The following ADGRD1 variants were observed in gnomAD, a reference collection of about 807,000 sequenced individuals.
ADGRD1 encodes the protein adhesion G protein-coupled receptor D1, also known as G-protein coupled receptor 133.
ADGRD1 carries 77 observed loss-of-function variants against 113.4 expected under a neutral mutation model. The observed-to-expected ratio is 0.68, with a 90% CI of 0.57 to 0.82. The LOEUF is 0.82. ADGRD1 is among the 40% of genes least tolerant of loss of function. ADGRD1 has a pLI of 0.00. For missense variants in ADGRD1, 1,036 were observed against 1,139.1 expected, an observed-to-expected ratio of 0.91 and a Z score of 1.30; for synonymous variants, 474 against 475.0, an observed-to-expected ratio of 1.00 and a Z score of 0.03.
rs145556639 is a variant in ADGRD1, at chr12:131,053,615, A to G, written c.1474-23186A>G. The stretch of plus-strand genomic sequence containing the variant: ...CCATAACATCAGTCAAAGTCAATGA[A>G]CCAGAATGGTGCTAATCAACATGGA... On this transcript the variant is annotated intron_variant, in intron 13 of 24. Coordinates refer to ENST00000261654, the MANE Select transcript of ADGRD1 (RefSeq NM_198827.5). 2.9e-3 allele frequency among the ~76,000 whole-genome samples: 448 copies of G among 152,302 alleles called. 5 individuals carry two copies. Among genetic ancestry groups the G allele is most frequent in the African/African-American group, 9.2e-3 (383 of 41,548 alleles).
chr12:131,042,429 G>A (rs1406200612), intron 13 of ADGRD1, among the ~76,000 whole-genome samples: 2 of 152,178 alleles, frequency 1.3e-5, no homozygotes, highest in Non-Finnish European at 2.9e-5. Context: ...ACAGCCTCAT[G>A]GTACACAGTA....
intron 20 of ADGRD1, among the ~76,000 whole-genome samples, chr12:131,123,367 C>T (rs1214682216): frequency 1.3e-5 from 2 of 151,658 alleles, no homozygotes; most frequent in African/African-American, 4.8e-5. Context: ...AAGAGTATTC[C>T]TGTCTAAGCT....
intron 14 of ADGRD1, among the ~76,000 whole-genome samples, chr12:131,083,005 G>A (rs1284761501): frequency 6.6e-6 from 1 of 152,240 alleles, no homozygotes; most frequent in Non-Finnish European, 1.5e-5. Context: ...CAGGGTTACC[G>A]TTGCCCGAGG....
At chr12:131,052,610 G>A (rs1883507026) in intron 13 of ADGRD1, among the ~76,000 whole-genome samples, 1 of 146,510 alleles carries the variant, frequency 6.8e-6, no homozygotes, top group Admixed American at 7.0e-5. Flanking sequence ...TGCACGGATT[G>A]GCTTAGACCT....
At chr12:131,045,544 G>A (rs1882610141) in intron 13 of ADGRD1, among the ~76,000 whole-genome samples, 1 of 149,588 alleles carries the variant, frequency 6.7e-6, no homozygotes, top group Admixed American at 6.6e-5. Flanking sequence ...GGCACATCCG[G>A]CCCACAGGCC....
chr12:130,997,071 C>T (rs1467728777), intron 8 of ADGRD1, among the ~76,000 whole-genome samples: 1 of 131,964 alleles, frequency 7.6e-6, no homozygotes, highest in East Asian at 2.4e-4. Context: ...TCCTCACTTC[C>T]CAGTAGGGGC....
chr12:131,139,235 C>T lies in ADGRD1; in HGVS notation c.2597C>T (p.Ala866Val). Reference protein sequence around the residue: ...LSPWDKSSHSAHRVDLSAV With the variant: ...LSPWDKSSHSVHRVDLSAV The stretch of plus-strand genomic sequence containing the variant: ...CCTTGGGACAAGAGCAGCCACTCTG[C>T]CCACCGCGTCGACCTGTCAGCCGTG... Residue 866 changes from alanine (A) to valine (V), a missense_variant, in exon 25 of 25, where the codon GCC becomes GTC. Transcript: ENST00000261654. The T allele has an allele frequency of 1.2e-6, 2 of 1,612,962 alleles. No homozygotes were observed. The highest frequency in any genetic ancestry group is 1.7e-6 in the Non-Finnish European group (2 of 1,179,740).
intron 3 of ADGRD1, chr12:130,968,973 C>A: frequency 1.3e-6 from 2 of 1,520,868 alleles, no homozygotes; most frequent in Non-Finnish European, 1.8e-6. Context: ...GTTGTTTCAC[C>A]CAGCGTCCCG....
chr12:131,020,493 T>C (rs1343589669), intron 13 of ADGRD1, among the ~76,000 whole-genome samples: 3 of 152,208 alleles, frequency 2.0e-5, no homozygotes, highest in Admixed American at 6.5e-5. Context: ...TCACACGCAG[T>C]GGGGCACTGG....
chr12:131,000,598 A>G (rs1267531887), intron 9 of ADGRD1, among the ~76,000 whole-genome samples, 156 bp downstream of exon 9: 1 of 152,000 alleles, frequency 6.6e-6, no homozygotes, highest in African/African-American at 2.4e-5. Context: ...AAAATTAGCC[A>G]GGCGTGGTGG....
chr12:131,132,530 C>CGGG (rs72349003), intron 21 of ADGRD1, among the ~76,000 whole-genome samples: 1 of 151,786 alleles, frequency 6.6e-6, no homozygotes, highest in Non-Finnish European at 1.5e-5. Context: ...GTTGCAGCAC[C>CGGG]GGGCCCAGCT....
intron 13 of ADGRD1, among the ~76,000 whole-genome samples, chr12:131,037,660 C>T (rs1298154784): frequency 8.1e-5 from 3 of 36,826 alleles, no homozygotes; most frequent in African/African-American, 4.9e-4. Flanking sequence ...CTCACTGCAC[C>T]GGGTCTCACT....
rs1427470586 is a variant in ADGRD1 at position 131,057,932 on chromosome 12, CT to C, written c.1474-18866del. ...AGCCGTCTTCGTGCTCATCTCGCTT[CT>C]TTCTTGTTCATGTTTTTCCTTGTCT... On this transcript the variant is annotated intron_variant, in intron 13 of 24. Transcript: ENST00000261654. The surrounding 1 kb of genome is among the most constrained non-coding windows in gnomAD (Gnocchi z 4.2). Among the ~76,000 whole-genome samples the C allele has an allele frequency of 2.6e-5, 4 of 152,176 alleles. No homozygotes were observed. Among genetic ancestry groups the C allele is most frequent in the Non-Finnish European group, 5.9e-5 (4 of 68,040 alleles).
intron 4 of ADGRD1, chr12:130,981,307 A>T (rs899647934): frequency 6.6e-6 from 1 of 152,248 alleles, no homozygotes; most frequent in African/African-American, 2.4e-5. Context: ...GTGCAGACAT[A>T]AAAGTGACAA....
At chr12:131,045,645 G>C (rs1019842916) in intron 13 of ADGRD1, among the ~76,000 whole-genome samples, 3 of 152,166 alleles carry the variant, frequency 2.0e-5, no homozygotes, top group African/African-American at 7.2e-5. Context: ...GGGATTTACA[G>C]TTGGGGAAAC....
Position 130,971,515 on chromosome 12 carries a change from C to T in ADGRD1, c.245C>T (p.Thr82Met), listed in dbSNP as rs143395855. 16 of 1,613,400 alleles carry T rather than the reference C, an allele frequency of 9.9e-6. No homozygotes were observed. Among genetic ancestry groups the T allele is most frequent in the South Asian group, 7.7e-5 (7 of 91,008 alleles). The part of the protein sequence containing the change: ...GIYLKEEKGV[T>M]LLYYGRYNSS... ...TACCTGAAAGAGGAAAAGGGAGTCA[C>T]GCTTCTCTATTACGGCAGGTACAAC... The change falls in exon 4 of 25, where the codon ACG becomes ATG. Residue 82 changes from threonine (T) to methionine (M), a missense_variant. Coordinates refer to ENST00000261654, the MANE Select transcript of ADGRD1 (RefSeq NM_198827.5). This position sits in a 1 kb window ranked among gnomAD's most constrained non-coding sequence, Gnocchi z 4.2.
rs1883975315 is a variant in ADGRD1, at chr12:131,057,499, C to G, written c.1474-19302C>G. On this transcript the variant is annotated intron_variant, in intron 13 of 24. Coordinates refer to ENST00000261654, the MANE Select transcript of ADGRD1 (RefSeq NM_198827.5). This position sits in a 1 kb window ranked among gnomAD's most constrained non-coding sequence, Gnocchi z 4.2. Reference sequence around the variant, plus strand: ...GTCTGAGACAAAGGCGTTGGCAGAGCTAGTTCGTTCTGGAGGCTCAGCGGG... The same window carrying G: ...GTCTGAGACAAAGGCGTTGGCAGAGGTAGTTCGTTCTGGAGGCTCAGCGGG... 6.6e-6 allele frequency among the ~76,000 whole-genome samples: 1 copy of G among 152,158 alleles called. No individual in the cohort carries two copies.
intron 5 of ADGRD1, among the ~76,000 whole-genome samples, chr12:130,982,813 G>A (rs1014827588): frequency 2.0e-5 from 3 of 152,108 alleles, no homozygotes; most frequent in Admixed American, 2.0e-4. Context: ...GGTCTGAAGT[G>A]GAAGCTGGAG....
intron 13 of ADGRD1, among the ~76,000 whole-genome samples, chr12:131,052,864 G>A (rs998239019): frequency 2.0e-5 from 3 of 152,190 alleles, no homozygotes; most frequent in African/African-American, 7.2e-5. Flanking sequence ...GCAGGTGGGA[G>A]CATCTGCCAC....
Sources: gnomAD v4.1 joint callset for allele counts (sites outside exome capture counted in the v4.1 genomes callset) on GRCh38, gnomAD v4.1.1 for gene constraint, Gnocchi (gnomAD v3.1) non-coding constraint, MANE v1.5 for transcripts, NCBI Gene and HGNC (gene_info 2026-07-23, HGNC 2026-07-21) for gene names.